Variants in MARCHF10 observed in about 807,000 individuals in gnomAD.
MARCHF10 encodes membrane associated ring-CH-type finger 10.
In MARCHF10, 64 loss-of-function variants were observed where a neutral mutation model predicts 76.2. The ratio of observed to expected loss-of-function variants is 0.84; its 90% CI spans 0.69 to 1.03. The LOEUF is 1.03. Ranked by LOEUF, MARCHF10 falls within the 50% of genes least tolerant of loss-of-function variation. MARCHF10 has a pLI of 0.00. For missense variants in MARCHF10, 875 were observed against 958.0 expected (o/e 0.91, Z 1.14); for synonymous variants, 340 against 357.5 (o/e 0.95, Z 0.55).
At chr17:62,729,787 T>C (rs2090935000) in intron 6 of MARCHF10, among the ~76,000 whole-genome samples, 1 of 152,090 alleles carries the variant, frequency 6.6e-6, no homozygotes, top group Admixed American at 6.5e-5. Context: ...TTGTCCAGAC[T>C]GGTCTTGAAC....
chr17:62,760,096 C>A (rs960692641), intron 3 of MARCHF10, 90 bp from the exon 4 acceptor site: 7 of 1,041,206 alleles, frequency 6.7e-6, no homozygotes, highest in Non-Finnish European at 1.0e-5. Context: ...AATGCAGTGA[C>A]CCTCTCCAGC....
chr17:62,701,594 G>A lies in MARCHF10; in HGVS notation c.*109C>T, dbSNP rs572984786. ...ACGAGGTGAAAATCTAACTGTGAAC[G>A]CTTTGGTTTCAGTTTCAGTAAAGAG... On this transcript the variant is annotated 3_prime_UTR_variant, in exon 11 of 11. Coordinates refer to ENST00000311269, the MANE Select transcript of MARCHF10 (RefSeq NM_152598.4). 20 of 1,598,162 alleles carry A rather than the reference G, an allele frequency of 1.3e-5. No individual in the cohort carries two copies. The Admixed American group carries it at 1.7e-4, about 13-fold the overall frequency.
At chr17:62,800,496 ACT>A (rs1383890159) in intron 2 of MARCHF10, among the ~76,000 whole-genome samples, 4 of 152,144 alleles carry the variant, frequency 2.6e-5, no homozygotes, top group Non-Finnish European at 4.4e-5. Context: ...GAAATTGCTG[ACT>A]CTGTTTCCAG....
At chr17:62,713,034 C>T (rs115874847) in intron 8 of MARCHF10, among the ~76,000 whole-genome samples, 2,597 of 152,248 alleles carry the variant, frequency 0.017, 79 homozygotes, top group African/African-American at 0.06. Context: ...TGTAAGCCAC[C>T]CTGCCTAGCC....
At chr17:62,790,697 C>T (rs951583254) in intron 2 of MARCHF10, among the ~76,000 whole-genome samples, 3 of 152,222 alleles carry the variant, frequency 2.0e-5, no homozygotes, top group Non-Finnish European at 4.4e-5. Flanking sequence ...AAAAGCATCT[C>T]CTTCCGTGAT....
At chr17:62,702,058 G>A (rs1301133853) in intron 10 of MARCHF10, among the ~76,000 whole-genome samples, 1 of 152,182 alleles carries the variant, frequency 6.6e-6, no homozygotes, top group East Asian at 1.9e-4. Context: ...ATAGCTGCAG[G>A]GGCCATTGCT....
chr17:62,735,784 G>A, intron 6 of MARCHF10, 147 bp downstream of exon 6: 1 of 665,966 alleles, frequency 1.5e-6, no homozygotes, highest in Non-Finnish European at 2.5e-6. Flanking sequence ...CAACAAAACA[G>A]AGACAATTTT....
At position 62,738,099 on chromosome 17, in the gene MARCHF10, C is replaced by CA. The variant is rs1555696256; in HGVS notation, c.536-768dup. ...ACACACACACACACACACACACACA[C>CA]AACTTAAGCCTCACAACCCTGTGAA... On this transcript the variant is annotated intron_variant, in intron 5 of 10. Coordinates refer to ENST00000311269, the MANE Select transcript of MARCHF10 (RefSeq NM_152598.4). The surrounding 1 kb of genome is among the most constrained non-coding windows in gnomAD (Gnocchi z 4.0). Among the ~76,000 whole-genome samples, 15 of 151,258 alleles carry CA rather than the reference C, an allele frequency of 9.9e-5. No individual in the cohort carries two copies. In the East Asian group the frequency reaches 2.2e-3, roughly 22 times the overall value.
chr17:62,788,661 G>C, intron 2 of MARCHF10, 62 bp from the exon 3 acceptor site: 3 of 1,604,898 alleles, frequency 1.9e-6, no homozygotes, highest in Non-Finnish European at 2.6e-6. Context: ...GTAACTTTAT[G>C]CTTAACTCCA....
At chr17:62,780,623 G>A (rs565802505) in intron 3 of MARCHF10, among the ~76,000 whole-genome samples, 1 of 152,324 alleles carries the variant, frequency 6.6e-6, no homozygotes, top group South Asian at 2.1e-4. Flanking sequence ...GTTGCCACCA[G>A]TGAAAGGACT....
intron 6 of MARCHF10, among the ~76,000 whole-genome samples, chr17:62,728,733 A>G (rs2090877403): frequency 6.6e-6 from 1 of 152,244 alleles, no homozygotes; most frequent in Non-Finnish European, 1.5e-5. Context: ...TAATGGACAA[A>G]ATATAATTCA....
intron 7 of MARCHF10, among the ~76,000 whole-genome samples, chr17:62,723,595 G>A (rs1599100463): frequency 1.1e-5 from 1 of 88,110 alleles, no homozygotes; most frequent in East Asian, 3.9e-4. Flanking sequence ...ATTCAGTAAC[G>A]CTTTAGGCTA....
chr17:62,744,566 T>C lies in MARCHF10; in HGVS notation c.383-38A>G, dbSNP rs762520946. ...AAGTCTTTTCAATAATTATTTTGTT[T>C]ACAGGAAAATGTCTTCCATATAAAG... On this transcript the variant is annotated intron_variant, in intron 4 of 10. Coordinates refer to ENST00000311269, the MANE Select transcript of MARCHF10 (RefSeq NM_152598.4). 3 of 1,608,600 alleles carry C rather than the reference T, an allele frequency of 1.9e-6. No homozygotes were observed. In the Admixed American group the frequency reaches 5.1e-5, roughly 27 times the overall value.
chr17:62,716,170 C>T (rs1433992636), intron 8 of MARCHF10, among the ~76,000 whole-genome samples: 1 of 152,254 alleles, frequency 6.6e-6, no homozygotes, highest in Non-Finnish European at 1.5e-5. Flanking sequence ...CTTGTTTTGA[C>T]CTCCACCTGC....
intron 2 of MARCHF10, among the ~76,000 whole-genome samples, chr17:62,789,906 C>G (rs1175295189): frequency 6.6e-6 from 1 of 152,044 alleles, no homozygotes; most frequent in African/African-American, 2.4e-5. Flanking sequence ...TGCATTCCAG[C>G]CTGGGTGACA....
chr17:62,759,277 C>G (rs939485579), intron 4 of MARCHF10, among the ~76,000 whole-genome samples: 2 of 152,228 alleles, frequency 1.3e-5, no homozygotes, highest in African/African-American at 4.8e-5. Context: ...GGCAGCAGCT[C>G]TAGGCGGAAG....
chr17:62,755,366 T>G (rs2092011174), intron 4 of MARCHF10, among the ~76,000 whole-genome samples: 1 of 152,136 alleles, frequency 6.6e-6, no homozygotes, highest in African/African-American at 2.4e-5. Flanking sequence ...CACAGTGGCC[T>G]CTGGATGCCC....
chr17:62,756,314 C>T (rs1428885104), intron 4 of MARCHF10, among the ~76,000 whole-genome samples: 3 of 152,004 alleles, frequency 2.0e-5, no homozygotes, highest in Admixed American at 6.6e-5. Context: ...GGCATAGTGG[C>T]GTGTGCCTGT....
chr17:62,773,915 A>G (rs1201946204), intron 3 of MARCHF10, among the ~76,000 whole-genome samples: 1 of 152,208 alleles, frequency 6.6e-6, no homozygotes. Flanking sequence ...AGTGGCCTGG[A>G]TATGAGGCAG....
Sources: gnomAD v4.1 joint callset for allele counts (sites outside exome capture counted in the v4.1 genomes callset) on GRCh38, gnomAD v4.1.1 for gene constraint, Gnocchi (gnomAD v3.1) non-coding constraint, MANE v1.5 for transcripts, NCBI Gene and HGNC (gene_info 2026-07-23, HGNC 2026-07-21) for gene names.